Variants in MYO15B observed in about 807,000 individuals in gnomAD.
The protein encoded by MYO15B is myosin XVB pseudogene.
In MYO15B, 207 loss-of-function variants were observed where a neutral mutation model predicts 119.3. The ratio of observed to expected loss-of-function variants is 1.73; its 90% confidence interval spans 1.55 to 1.95. The LOEUF is 1.95. MYO15B is among the 30% of genes most tolerant of loss of function. MYO15B has a pLI of 0.00. For missense variants in MYO15B, 2,264 were observed against 1,203.1 expected (o/e 1.88, Z -13.04); for synonymous variants, 966 against 498.9 (o/e 1.94, Z -12.48).
intron 37 of MYO15B, 81 bp from the exon 38 acceptor site, chr17:75,616,231 C>A: frequency 1.7e-6 from 1 of 588,570 alleles, no homozygotes; most frequent in Non-Finnish European, 3.0e-6. Context: ...GTGTGCTCTG[C>A]TCCCCGGAGT....
exon 11 of MYO15B, chr17:75,594,749 T>A (rs820256): frequency 3.8e-5 from 27 of 702,932 alleles, no homozygotes; most frequent in South Asian, 8.9e-5. Context: ...GGAAAGTGCC[T>A]TTGATGCCAG....
intron 29 of MYO15B, 173 bp downstream of exon 29, chr17:75,613,950 G>A: frequency 1.7e-6 from 1 of 592,264 alleles, no homozygotes; most frequent in Non-Finnish European, 3.0e-6. Flanking sequence ...GAGGGGCTTG[G>A]GAGCTCCCAC....
chr17:75,596,878 C>T (rs948716975), exon 14 of MYO15B: 36 of 702,264 alleles, frequency 5.1e-5, no homozygotes, highest in Middle Eastern at 2.3e-4. Context: ...GTATCCTGGA[C>T]GCCCAGACAT....
chr17:75,609,064 C>T (rs556760350), intron 21 of MYO15B, among the ~76,000 whole-genome samples: 1 of 152,242 alleles, frequency 6.6e-6, no homozygotes, highest in East Asian at 1.9e-4. Flanking sequence ...CGGGGATTCA[C>T]CGTGTTGGCC....
intron 21 of MYO15B, among the ~76,000 whole-genome samples, chr17:75,607,334 G>A (rs529583472): frequency 6.6e-5 from 10 of 151,526 alleles, no homozygotes; most frequent in South Asian, 6.3e-4. Flanking sequence ...TTCCTTTTAC[G>A]ACTGGCTTCT....
chr17:75,598,545 A>G (rs1219628805), intron 14 of MYO15B, among the ~76,000 whole-genome samples: 1 of 151,718 alleles, frequency 6.6e-6, no homozygotes, highest in Non-Finnish European at 1.5e-5. Flanking sequence ...AAAAAAAAAA[A>G]AGAAAATGAA....
exon 34 of MYO15B, chr17:75,615,292 A>C (rs1414002548): frequency 1.4e-6 from 1 of 702,562 alleles, no homozygotes; most frequent in South Asian, 1.5e-5. Context: ...TGGTCCCTGC[A>C]CCCATGCCCA....
At chr17:75,596,594 G>C in intron 13 of MYO15B, 39 bp downstream of exon 13, 1 of 701,826 alleles carries the variant, frequency 1.4e-6, no homozygotes, top group South Asian at 1.5e-5. Context: ...GGGCCGCTCA[G>C]GCATTGCCCA....
rs200861915 is a variant in MYO15B at position 75,598,275 on chromosome 17, G to GAA, written c.3525+1379_3525+1380dup. On this transcript the variant is annotated intron_variant, in intron 14 of 63. Transcript: ENST00000645453. ...GAGCAAGACTCCGTCTCAAAAAAAAGAAAAGAAAAGAAAAGAAAATGGGCC... is the reference window on the plus strand; with the variant it reads ...GAGCAAGACTCCGTCTCAAAAAAAAGAAAAAAGAAAAGAAAAGAAAATGGGCC... Among the ~76,000 whole-genome samples, 306 of 146,218 alleles carry GAA rather than the reference G, an allele frequency of 2.1e-3. 6 individuals carry two copies. The highest frequency in any genetic ancestry group is 7.6e-3 in the African/African-American group (300 of 39,664).
At chr17:75,613,864 C>T (rs925460810) in intron 29 of MYO15B, 87 bp downstream of exon 29, 49 of 624,056 alleles carry the variant, frequency 7.9e-5, no homozygotes, top group South Asian at 3.5e-4. Context: ...TCTCAGGGGC[C>T]GGGAGGAGAG....
intron 44 of MYO15B, 46 bp downstream of exon 44, chr17:75,619,264 C>A: frequency 4.3e-6 from 3 of 702,650 alleles, no homozygotes; most frequent in Non-Finnish European, 7.8e-6. Flanking sequence ...GTGCTGGGGG[C>A]CGCGCCTGCC....
At chr17:75,620,268 T>C in exon 48 of MYO15B, 1 of 702,950 alleles carries the variant, frequency 1.4e-6, no homozygotes. Context: ...GTCATCGCCC[T>C]GCGCAGCTAC....
exon 1 of MYO15B, chr17:75,588,814 T>A (rs1304887682): frequency 7.5e-6 from 3 of 398,312 alleles, no homozygotes; most frequent in African/African-American, 6.2e-5. Flanking sequence ...TGGACGGGGC[T>A]CTCGGGCAGC....
intron 9 of MYO15B, among the ~76,000 whole-genome samples, chr17:75,593,495 G>C (rs2056619120): frequency 1.3e-5 from 2 of 151,984 alleles, no homozygotes; most frequent in South Asian, 4.1e-4. Context: ...GCACATCCCA[G>C]CTACTTAGAG....
chr17:75,606,537 G>A (rs576962902), intron 21 of MYO15B, among the ~76,000 whole-genome samples: 35 of 150,952 alleles, frequency 2.3e-4, no homozygotes, highest in Non-Finnish European at 4.4e-5. Flanking sequence ...GTAATGGTGC[G>A]ATCTCGGGTC....
At chr17:75,619,797 C>T (rs1449241409) in exon 46 of MYO15B, 1 of 702,888 alleles carries the variant, frequency 1.4e-6, no homozygotes, top group Non-Finnish European at 2.6e-6. Flanking sequence ...TCTGCTCATA[C>T]AGGTGCGCTA....
chr17:75,619,447 A>G (rs1260750880), exon 45 of MYO15B: 14 of 702,562 alleles, frequency 2.0e-5, no homozygotes, highest in Admixed American at 4.0e-5. Flanking sequence ...CAACTGGGCC[A>G]ATTACTTCTC....
At chr17:75,618,719 A>G (rs1390911150) in intron 43 of MYO15B, among the ~76,000 whole-genome samples, 1 of 152,226 alleles carries the variant, frequency 6.6e-6, no homozygotes, top group East Asian at 1.9e-4. Context: ...AAGTGCGTAC[A>G]GTGCACAACA....
chr17:75,613,045 G>T, exon 27 of MYO15B: 1 of 700,790 alleles, frequency 1.4e-6, no homozygotes, highest in Middle Eastern at 2.3e-4. Flanking sequence ...ACCTGGTGCG[G>T]CAGGGGCAGT....
Sources: gnomAD v4.1 joint callset for allele counts (sites outside exome capture counted in the v4.1 genomes callset) on GRCh38, gnomAD v4.1.1 for gene constraint, MANE v1.5 for transcripts, NCBI Gene and HGNC (gene_info 2026-07-23, HGNC 2026-07-21) for gene names.